Variants in MICAL2 observed in about 807,000 individuals in gnomAD.
MICAL2 encodes [F-actin]-monooxygenase MICAL2.
In MICAL2, 77 loss-of-function variants were observed where a neutral mutation model predicts 127.3. That is an observed-to-expected ratio of 0.60 (90% CI 0.50 to 0.73). The LOEUF (loss-of-function observed/expected upper bound fraction) is 0.73. MICAL2 is among the 30% of genes least tolerant of loss of function. The probability of loss-of-function intolerance (pLI) is 0.00; values close to 1 mark genes in which losing one functional copy is unlikely to be tolerated. For missense variants in MICAL2, 1,351 were observed against 1,434.4 expected (o/e 0.94, Z 0.94); for synonymous variants, 570 against 551.1 (o/e 1.03, Z -0.48).
chr11:12,242,960 A>G, intron 20 of MICAL2, 188 bp downstream of exon 20: 1 of 490,616 alleles, frequency 2.0e-6, no homozygotes, highest in Non-Finnish European at 3.5e-6. Context: ...AAGATTCAAA[A>G]TAAATAAATA....
At chr11:12,294,269 T>C (rs1863944895), downstream of MICAL2, 2 of 1,613,904 alleles carry the variant, frequency 1.2e-6, no homozygotes, top group African/African-American at 1.3e-5. Flanking sequence ...CATCCGAAGG[T>C]CTCTAGAGCC....
At position 12,239,575 on chromosome 11, in the gene MICAL2, T is replaced by C. The variant is rs779629412; in HGVS notation, c.2204T>C (p.Leu735Pro). 2 of 1,614,036 alleles carry C rather than the reference T, an allele frequency of 1.2e-6. No homozygotes were observed. The highest frequency in any genetic ancestry group is 1.7e-6 in the Non-Finnish European group (2 of 1,179,970). Residue 735 changes from leucine (L) to proline (P), a missense_variant, in exon 17 of 28, where the codon CTC becomes CCC. Leu to Pro is a moderately conservative substitution (Grantham distance 98, BLOSUM62 -3). Around this residue, in one of 2 missense-constraint regions of MICAL2, gnomAD observed 752 missense variants for 719.4 expected, o/e 1.05. Transcript: ENST00000683283. ...KFEESTRNPS[L>P]MKQERRVSGI... is the part of the protein sequence containing the mutation. ...GAGGAGAGCACTCGGAACCCCTCACTCATGAAGCAGGTGAGTCATGTCAAA... is the reference window on the plus strand; with the variant it reads ...GAGGAGAGCACTCGGAACCCCTCACCCATGAAGCAGGTGAGTCATGTCAAA...
intron 3 of MICAL2, among the ~76,000 whole-genome samples, chr11:12,202,449 A>C (rs1398570164): frequency 6.6e-6 from 1 of 152,228 alleles, no homozygotes; most frequent in African/African-American, 2.4e-5. Flanking sequence ...GCACCATAAT[A>C]GTTCCTTAGA....
intron 1 of MICAL2, among the ~76,000 whole-genome samples, chr11:12,118,357 T>G (rs1037232181): frequency 6.6e-6 from 1 of 152,248 alleles, no homozygotes; most frequent in Non-Finnish European, 1.5e-5. Flanking sequence ...TCTTACTTTT[T>G]TGGCAGCTGT....
downstream of MICAL2, among the ~76,000 whole-genome samples, chr11:12,360,478 A>G (rs1008927527): frequency 1.3e-5 from 2 of 152,224 alleles, no homozygotes; most frequent in African/African-American, 4.8e-5. Context: ...TAAGAAAAAG[A>G]TTTATAACTT....
intron 32 of MICAL2, among the ~76,000 whole-genome samples, chr11:12,327,986 A>G (rs75069176): frequency 0.028 from 4,328 of 152,260 alleles, 103 homozygotes; most frequent in East Asian, 0.12. Flanking sequence ...TCATTTTCTC[A>G]TCTAAAATGG....
At chr11:12,330,914 T>A (rs1048226507) in intron 32 of MICAL2, among the ~76,000 whole-genome samples, 9 of 117,064 alleles carry the variant, frequency 7.7e-5, no homozygotes, top group African/African-American at 2.1e-4. Flanking sequence ...TGTGTGTGTG[T>A]GTGTGTGTGT....
chr11:12,178,898 C>T (rs2133932015), intron 3 of MICAL2, among the ~76,000 whole-genome samples: 1 of 152,146 alleles, frequency 6.6e-6, no homozygotes, highest in East Asian at 1.9e-4. Context: ...CATGCAATCA[C>T]ACCTTCCTTT....
At chr11:12,138,639 C>A (rs1342644040) in intron 2 of MICAL2, among the ~76,000 whole-genome samples, 179 bp downstream of exon 2, 11 of 152,184 alleles carry the variant, frequency 7.2e-5, no homozygotes, top group Non-Finnish European at 7.4e-5. Context: ...TGTGTTCTTG[C>A]CTCAGATACA....
chr11:12,227,131 G>C lies in MICAL2; in HGVS notation c.1995G>C (p.Arg665=). The change falls in exon 15 of 28, where the codon CGG becomes CGC. Residue 665 remains arginine, a splice_region_variant and synonymous_variant. Transcript: ENST00000683283. The part of the protein sequence containing the change: ...NLTFPRKRTP[R]VDGQTGENDM... ...CATTTCCAAGGAAGAGGACTCCACG[G>C]GTAAGTTTTGGCCTGGTTTCGGTTT... 1 of 1,608,848 alleles carries C rather than the reference G, an allele frequency of 6.2e-7. No individual in the cohort carries two copies. Among genetic ancestry groups the C allele is most frequent in the African/African-American group, 1.3e-5 (1 of 74,840 alleles).
Position 12,180,770 on chromosome 11 carries a change from T to TTATC in MICAL2, c.264+18353_264+18354insTCTA, listed in dbSNP as rs1554968338. On this transcript the variant is annotated intron_variant, in intron 3 of 27. Coordinates refer to ENST00000683283, the MANE Select transcript of MICAL2 (RefSeq NM_001282663.2). The stretch of plus-strand genomic sequence containing the variant: ...TGTTCAAAACCAACAGTCCTAGACT[T>TTATC]TAGTTGCTCAACCTTTGAGGACTTC... Among the ~76,000 whole-genome samples the TTATC allele has an allele frequency of 3.6e-3, 537 of 150,704 alleles. 1 individual carries two copies. Among genetic ancestry groups the TTATC allele is most frequent in the Non-Finnish European group, 6.0e-3 (406 of 67,676 alleles).
intron 22 of MICAL2, 34 bp downstream of exon 22, chr11:12,249,280 C>G: frequency 1.6e-6 from 2 of 1,281,020 alleles, no homozygotes; most frequent in Non-Finnish European, 2.3e-6. Context: ...TCAGCTGCCT[C>G]ACCTGCAAAG....
intron 29 of MICAL2, among the ~76,000 whole-genome samples, chr11:12,304,934 A>G (rs1864091491): frequency 6.6e-6 from 1 of 152,178 alleles, no homozygotes; most frequent in Admixed American, 6.5e-5. Flanking sequence ...GACTTATGGA[A>G]TGAATTCATC....
intron 3 of MICAL2, among the ~76,000 whole-genome samples, chr11:12,194,672 CTG>C (rs1035221996): frequency 1.3e-5 from 2 of 152,048 alleles, no homozygotes; most frequent in Non-Finnish European, 2.9e-5. Context: ...TTGGAAGACC[CTG>C]TGTCTTTTGT....
downstream of MICAL2, among the ~76,000 whole-genome samples, chr11:12,289,553 C>CTTTTTTTTTTTTTTTTTTTTT (rs202153216): frequency 2.4e-5 from 1 of 42,078 alleles, no homozygotes. Flanking sequence ...CTGGGCACCT[C>CTTTTTTTTTTTTTTTTTTTTT]TTGTTTTTTT....
chr11:12,206,283 T>G (rs1854671106), intron 4 of MICAL2, among the ~76,000 whole-genome samples: 1 of 152,174 alleles, frequency 6.6e-6, no homozygotes, highest in African/African-American at 2.4e-5. Context: ...CCAGGAGCCC[T>G]TCTCTGCCCT....
intron 6 of MICAL2, among the ~76,000 whole-genome samples, chr11:12,210,447 A>C (rs889129888): frequency 5.9e-5 from 9 of 152,216 alleles, no homozygotes; most frequent in Admixed American, 1.3e-4. Context: ...AGGATGGGAC[A>C]TGCTCCCTGG....
chr11:12,207,976 T>A (rs1235980262), intron 4 of MICAL2, 47 bp from the exon 5 acceptor site: 1 of 1,376,470 alleles, frequency 7.3e-7, no homozygotes, highest in African/African-American at 1.4e-5. Context: ...ATATAGGTGG[T>A]GTTCAGGTAT....
chr11:12,342,737 A>G (rs373142619), intron 32 of MICAL2, among the ~76,000 whole-genome samples: 1 of 152,176 alleles, frequency 6.6e-6, no homozygotes, highest in African/African-American at 2.4e-5. Flanking sequence ...CACCATCCCC[A>G]TTTTCCACAG....
Sources: allele counts gnomAD v4.1 joint callset (sites outside exome capture counted in the v4.1 genomes callset), GRCh38; gene constraint gnomAD v4.1.1; regional missense constraint gnomAD v4.1.1; transcripts MANE v1.5; gene names NCBI Gene and HGNC (gene_info 2026-07-23, HGNC 2026-07-21).